Variants in CD44 observed in about 807,000 individuals in gnomAD.
CD44 encodes CD44 antigen.
Under a neutral mutation model 88.8 loss-of-function variants are expected in CD44, and 49 were observed. The observed-to-expected ratio is 0.55, with a 90% confidence interval of 0.44 to 0.70. The LOEUF (loss-of-function observed/expected upper bound fraction) is 0.70, where lower values mean the gene tolerates loss of function less well. Among genes scored for constraint, CD44 ranks in the 30% least tolerant of loss-of-function variants. CD44 has a pLI of 0.00. For missense variants in CD44, 883 were observed against 913.8 expected (o/e 0.97, Z 0.43); for synonymous variants, 325 against 312.3 (o/e 1.04, Z -0.43).
chr11:35,200,357 G>A (rs1296029580), intron 7 of CD44, among the ~76,000 whole-genome samples: 1 of 152,108 alleles, frequency 6.6e-6, no homozygotes, highest in Admixed American at 6.5e-5. Context: ...TCAGGGTGCT[G>A]GTGGATGTAC....
intron 3 of CD44, 144 bp from the exon 4 acceptor site, chr11:35,186,688 T>G: frequency 1.7e-6 from 1 of 579,652 alleles, no homozygotes; most frequent in Non-Finnish European, 3.2e-6. Flanking sequence ...GCAGAGAAAT[T>G]CCTAGCCAAC....
intron 8 of CD44, 83 bp from the exon 9 acceptor site, chr11:35,201,588 T>C (rs1947320825): frequency 1.9e-6 from 3 of 1,540,228 alleles, no homozygotes; most frequent in Admixed American, 1.7e-5. Context: ...AATTGTTAAA[T>C]AGCATGCACT....
At chr11:35,228,726 T>A (rs772096795) in intron 17 of CD44, among the ~76,000 whole-genome samples, 2 of 152,076 alleles carry the variant, frequency 1.3e-5, no homozygotes, top group Non-Finnish European at 2.9e-5. Context: ...CTTCCTGGAG[T>A]CTTAGTTGCT....
chr11:35,211,673 CATGTGT>C (rs1157662354), intron 14 of CD44, among the ~76,000 whole-genome samples: 5 of 77,130 alleles, frequency 6.5e-5, no homozygotes, highest in African/African-American at 2.3e-4. Flanking sequence ...TCTGTGTTTG[CATGTGT>C]GTGTGTGTGT....
chr11:35,147,396 T>G (rs927364700), intron 1 of CD44, among the ~76,000 whole-genome samples: 4 of 152,142 alleles, frequency 2.6e-5, no homozygotes, highest in African/African-American at 9.7e-5. Flanking sequence ...TCTCCAGCCC[T>G]AGCCTAAACC....
intron 3 of CD44, among the ~76,000 whole-genome samples, chr11:35,186,267 C>T (rs1018246305): frequency 5.9e-5 from 9 of 152,106 alleles, no homozygotes; most frequent in Non-Finnish European, 1.0e-4. Context: ...AATATTTCAA[C>T]TGAGTAAATT....
chr11:35,229,126 T>G lies in CD44; in HGVS notation c.2025-3T>G. Reference sequence around the variant, plus strand: ...TGATATGGTACATTTTTTAAATTATTAGGTGTGGGCAGAAGAAAAAGCTAG... The same window carrying G: ...TGATATGGTACATTTTTTAAATTATGAGGTGTGGGCAGAAGAAAAAGCTAG... On this transcript the variant is annotated splice_region_variant and splice_polypyrimidine_tract_variant and intron_variant, in intron 17 of 17. Coordinates refer to ENST00000428726, the MANE Select transcript of CD44 (RefSeq NM_000610.4). The G allele has an allele frequency of 6.2e-7, 1 of 1,610,136 alleles. No individual in the cohort carries two copies.
chr11:35,214,793 T>G (rs1023591113), intron 14 of CD44, 59 bp from the exon 15 acceptor site: 9 of 949,114 alleles, frequency 9.5e-6, no homozygotes, highest in Non-Finnish European at 1.4e-5. Context: ...GGTAAAGAAA[T>G]GCAGATGGGA....
intron 1 of CD44, among the ~76,000 whole-genome samples, chr11:35,145,346 G>A (rs997364255): frequency 2.0e-5 from 3 of 152,170 alleles, no homozygotes; most frequent in African/African-American, 7.2e-5. Context: ...GTCAGTATGG[G>A]CTAAGGTGCA....
intron 1 of CD44, among the ~76,000 whole-genome samples, chr11:35,141,040 G>C (rs750738946): frequency 6.6e-6 from 1 of 151,822 alleles, no homozygotes; most frequent in Non-Finnish European, 1.5e-5. Flanking sequence ...AATGAATACA[G>C]TGCTAGCTAC....
chr11:35,184,163 C>T (rs1945425631), intron 3 of CD44, among the ~76,000 whole-genome samples: 1 of 152,148 alleles, frequency 6.6e-6, no homozygotes, highest in African/African-American at 2.4e-5. Flanking sequence ...TGGAATCCGA[C>T]ATGAGAGCAT....
At chr11:35,146,281 G>T (rs1014790952) in intron 1 of CD44, among the ~76,000 whole-genome samples, 1 of 152,164 alleles carries the variant, frequency 6.6e-6, no homozygotes, top group Admixed American at 6.5e-5. Flanking sequence ...AAAAGTAAAG[G>T]TTAATTGCAA....
intron 10 of CD44, chr11:35,205,838 T>A (rs1258747029): frequency 1.9e-6 from 2 of 1,068,318 alleles, no homozygotes; most frequent in African/African-American, 3.3e-5. Context: ...CATCTTCCTT[T>A]GATGTCGGTA....
chr11:35,179,076 A>G (rs529391964), intron 2 of CD44, among the ~76,000 whole-genome samples: 2 of 152,314 alleles, frequency 1.3e-5, no homozygotes, highest in African/African-American at 4.8e-5. Flanking sequence ...CTTTGGGGAA[A>G]CCAGTTTGTC....
chr11:35,171,313 G>A (rs1173471543), intron 1 of CD44, among the ~76,000 whole-genome samples: 1 of 152,234 alleles, frequency 6.6e-6, no homozygotes, highest in African/African-American at 2.4e-5. Context: ...CAGAAATGAA[G>A]TATTTGACAC....
intron 5 of CD44, among the ~76,000 whole-genome samples, chr11:35,191,868 G>A (rs1946305251): frequency 6.6e-6 from 1 of 152,166 alleles, no homozygotes; most frequent in Admixed American, 6.5e-5. Flanking sequence ...TACGTACCAG[G>A]CCTATTAGAA....
Position 35,139,546 on chromosome 11 carries a change from T to C in CD44, c.67+176T>C, listed in dbSNP as rs1335329959. ...ATTTGCGCTAAACCGTTGGAGAATG[T>C]GTCTGTGGAAGCACCATTTGGTTGA... On this transcript the variant is annotated intron_variant, in intron 1 of 17. Coordinates refer to ENST00000428726, the MANE Select transcript of CD44 (RefSeq NM_000610.4). 6.5e-6 allele frequency: 5 copies of C among 771,708 alleles called. No individual in the cohort carries two copies. The East Asian group carries it at 9.7e-5, about 15-fold the overall frequency. 47.8% of individuals were successfully genotyped at this position (771,708 alleles called of 1,614,324 possible).
At chr11:35,223,405 C>T (rs1949459059) in intron 17 of CD44, 15 of 463,804 alleles carry the variant, frequency 3.2e-5, no homozygotes, top group Admixed American at 1.3e-4. Context: ...TTGCACATGT[C>T]ACCATAGAAA....
At chr11:35,187,906 T>C (rs1945852426) in intron 4 of CD44, among the ~76,000 whole-genome samples, 1 of 152,212 alleles carries the variant, frequency 6.6e-6, no homozygotes, top group South Asian at 2.1e-4. Flanking sequence ...GGTCTCACTA[T>C]GTTGTCCAGG....
Sources: gnomAD v4.1 joint callset for allele counts (sites outside exome capture counted in the v4.1 genomes callset) on GRCh38, gnomAD v4.1.1 for gene constraint, MANE v1.5 for transcripts, NCBI Gene and HGNC (gene_info 2026-07-23, HGNC 2026-07-21) for gene names.